The following CACNA1E variants were observed in gnomAD, a reference collection of about 807,000 sequenced individuals.
CACNA1E encodes the protein voltage-dependent R-type calcium channel subunit alpha-1E.
Under a neutral mutation model 259.2 loss-of-function variants are expected in CACNA1E, and 40 were observed. The observed-to-expected ratio is 0.15, with a 90% CI of 0.12 to 0.20. The LOEUF (loss-of-function observed/expected upper bound fraction) is 0.20. Ranked by LOEUF, CACNA1E falls within the 10% of genes least tolerant of loss-of-function variation. The pLI is 1.00. For synonymous variants in CACNA1E, 1,104 were observed against 1,138.5 expected, an observed-to-expected ratio of 0.97 and a Z score of 0.61; for missense variants, 1,874 against 3,040.1, an observed-to-expected ratio of 0.62 and a Z score of 9.02.
chr1:181,335,084 C>T (rs986699538), intron 1 of CACNA1E, among the ~76,000 whole-genome samples: 10 of 152,222 alleles, frequency 6.6e-5, no homozygotes, highest in African/African-American at 2.2e-4. Flanking sequence ...GTATGGCTTG[C>T]CCCTCACCAC....
At chr1:181,414,065 C>T (rs1298379880) in intron 2 of CACNA1E, among the ~76,000 whole-genome samples, 2 of 152,194 alleles carry the variant, frequency 1.3e-5, no homozygotes, top group Non-Finnish European at 2.9e-5. Flanking sequence ...TCTGTGTGGC[C>T]ACTCCTGGCT....
At position 181,679,827 on chromosome 1, in the gene CACNA1E, G is replaced by A. The variant is rs559560046; in HGVS notation, c.1055+28386G>A. On this transcript the variant is annotated intron_variant, in intron 7 of 47. Transcript: ENST00000367573. ...CATGTTCAGAAGGGCATCAAAGTCC[G>A]GGTGAGGCTGATCTTCTAAAGTTAA... 1.4e-4 allele frequency among the ~76,000 whole-genome samples: 22 copies of A among 152,250 alleles called. 1 individual carries two copies. Among genetic ancestry groups the A allele is most frequent in the Admixed American group, 3.9e-4 (6 of 15,298 alleles).
chr1:181,741,762 G>A (rs993291256), intron 25 of CACNA1E, among the ~76,000 whole-genome samples: 2 of 152,176 alleles, frequency 1.3e-5, no homozygotes, highest in African/African-American at 2.4e-5. Context: ...GAAACATGGC[G>A]GTGGTGGCTT....
chr1:181,667,266 C>A (rs1268807354), intron 7 of CACNA1E, among the ~76,000 whole-genome samples: 1 of 152,040 alleles, frequency 6.6e-6, no homozygotes, highest in Non-Finnish European at 1.5e-5. Context: ...AAGGTGAAAA[C>A]CAGCTGAAGA....
chr1:181,329,929 T>G (rs1406547211), intron 1 of CACNA1E, among the ~76,000 whole-genome samples: 3 of 152,152 alleles, frequency 2.0e-5, no homozygotes, highest in Non-Finnish European at 4.4e-5. Context: ...CACTGTTGGT[T>G]GAATGGATAC....
Position 181,801,674 on chromosome 1 carries a change from G to A in CACNA1E, c.*2840G>A, listed in dbSNP as rs1291019116. On this transcript the variant is annotated 3_prime_UTR_variant, in exon 48 of 48. Transcript: ENST00000367573. ...TCAGAGTCTGCCTCCCTTGAAAAGAGGCCCCTGTAGACCCCAACACCTATT... is the reference window on the plus strand; with the variant it reads ...TCAGAGTCTGCCTCCCTTGAAAAGAAGCCCCTGTAGACCCCAACACCTATT... The A allele has an allele frequency of 2.6e-5, 4 of 152,168 alleles. No individual in the cohort carries two copies. Among genetic ancestry groups the A allele is most frequent in the African/African-American group, 4.8e-5 (2 of 41,452 alleles). 9.4% of individuals were successfully genotyped at this position (152,168 alleles called of 1,614,324 possible).
intron 1 of CACNA1E, among the ~76,000 whole-genome samples, chr1:181,407,584 G>T (rs183390905): frequency 6.6e-6 from 1 of 152,330 alleles, no homozygotes; most frequent in East Asian, 1.9e-4. Context: ...AGATGGTTCT[G>T]ATGTACATTA....
At chr1:181,609,058 A>G (rs1353321440) in intron 6 of CACNA1E, among the ~76,000 whole-genome samples, 1 of 152,214 alleles carries the variant, frequency 6.6e-6, no homozygotes, top group Non-Finnish European at 1.5e-5. Flanking sequence ...CTTAGGAAGA[A>G]GAAATGGGGA....
chr1:181,794,984 C>G lies in CACNA1E; in HGVS notation c.6148C>G (p.Arg2050Gly). Residue 2050 changes from arginine (R) to glycine (G), a missense_variant, in exon 46 of 48, where the codon CGT becomes GGT. Arg to Gly is a moderately radical substitution (Grantham distance 125, BLOSUM62 -2). This residue lies in a region of CACNA1E where 542 missense variants were observed against 587.2 expected (regional missense o/e 0.92). Coordinates refer to ENST00000367573, the MANE Select transcript of CACNA1E (RefSeq NM_001205293.3). ...AAGCAGTGAAAATACCTACAAGTCCCGTCGCCGGAGTTACCACTCCTCCTT... is the reference window on the plus strand; with the variant it reads ...AAGCAGTGAAAATACCTACAAGTCCGGTCGCCGGAGTTACCACTCCTCCTT... ...ERSSENTYKSRRRSYHSSLRL... is the reference protein window; with the variant it reads ...ERSSENTYKSGRRSYHSSLRL... The G allele has an allele frequency of 6.2e-7, 1 of 1,614,002 alleles. No homozygotes were observed. Among genetic ancestry groups the G allele is most frequent in the Non-Finnish European group, 8.5e-7 (1 of 1,179,884 alleles).
At position 181,436,176 on chromosome 1, in the gene CACNA1E, C is replaced by T. The variant is rs147476084; in HGVS notation, c.434+22596C>T. On this transcript the variant is annotated intron_variant, in intron 2 of 11. Transcript: ENST00000524607. Reference sequence around the variant, plus strand: ...ATTTAACCACAGTGAGATATCAGTTCACACCTGTTAGAATGGCTATAATAA... The same window carrying T: ...ATTTAACCACAGTGAGATATCAGTTTACACCTGTTAGAATGGCTATAATAA... 3.9e-5 allele frequency among the ~76,000 whole-genome samples: 6 copies of T among 152,308 alleles called. No individual in the cohort carries two copies. The East Asian group carries it at 1.2e-3, about 29-fold the overall frequency.
At chr1:181,416,673 G>A (rs1490010995) in intron 2 of CACNA1E, among the ~76,000 whole-genome samples, 1 of 152,158 alleles carries the variant, frequency 6.6e-6, no homozygotes, top group Admixed American at 6.5e-5. Context: ...TCCCTTCCAC[G>A]CTGCCTTGGA....
chr1:181,770,109 C>A (rs1480904241), intron 35 of CACNA1E, among the ~76,000 whole-genome samples: 1 of 152,072 alleles, frequency 6.6e-6, no homozygotes, highest in African/African-American at 2.4e-5. Context: ...TAGCTGGGGG[C>A]AGAGATTGTT....
rs2102477323 is a variant in CACNA1E at position 181,485,333 on chromosome 1, C to G, written c.266+1323C>G. ...GGGCATCTCCCTACTCCCCCAACCC[C>G]AGTCTCTGGCCTTCCCCTTCTTCTC... On this transcript the variant is annotated intron_variant, in intron 1 of 47. Transcript: ENST00000367573. The surrounding 1 kb of genome is among the most constrained non-coding windows in gnomAD (Gnocchi z 4.2). Among the ~76,000 whole-genome samples the G allele has an allele frequency of 6.6e-6, 1 of 152,336 alleles. No individual in the cohort carries two copies. Among genetic ancestry groups the G allele is most frequent in the Admixed American group, 6.5e-5 (1 of 15,312 alleles).
intron 3 of CACNA1E, among the ~76,000 whole-genome samples, chr1:181,553,746 T>C (rs916863206): frequency 6.6e-6 from 1 of 152,240 alleles, no homozygotes; most frequent in African/African-American, 2.4e-5. Context: ...CTTTTCTGCA[T>C]CTATTGAGAT....
At chr1:181,516,031 T>C (rs1034477677) in intron 3 of CACNA1E, among the ~76,000 whole-genome samples, 2 of 152,154 alleles carry the variant, frequency 1.3e-5, no homozygotes, top group Non-Finnish European at 2.9e-5. Flanking sequence ...TATCTACCTC[T>C]GCCAGGCTGC....
At chr1:181,633,932 G>A (rs750445436) in intron 6 of CACNA1E, among the ~76,000 whole-genome samples, 8 of 152,230 alleles carry the variant, frequency 5.3e-5, no homozygotes, top group Non-Finnish European at 1.0e-4. Context: ...AAAGAGGTAA[G>A]GCCAGGGTTT....
At position 181,390,302 on chromosome 1, in the gene CACNA1E, C is replaced by CTTATTTAT. The variant is rs58239460; in HGVS notation, c.-14-22808_-14-22801dup. ...TTACCCAGGAGAGGAGAGGAGACAC[C>CTTATTTAT]TTATTTATTTATTTATTTATTTATT... On this transcript the variant is annotated intron_variant, in intron 1 of 11. Transcript: ENST00000524607. Among the ~76,000 whole-genome samples the CTTATTTAT allele has an allele frequency of 7.9e-3, 1,094 of 137,636 alleles. 7 individuals are homozygous for CTTATTTAT. Among genetic ancestry groups the CTTATTTAT allele is most frequent in the African/African-American group, 0.027 (986 of 35,868 alleles). The allele number at this position is 137,636 out of a possible 152,430, so 90.3% of individuals were successfully genotyped here.
At chr1:181,515,486 C>T (rs746606739) in intron 3 of CACNA1E, among the ~76,000 whole-genome samples, 13 of 152,178 alleles carry the variant, frequency 8.5e-5, no homozygotes, top group Middle Eastern at 3.4e-3. Flanking sequence ...ATGCTGGGAC[C>T]GAGAAATGTG....
intron 25 of CACNA1E, among the ~76,000 whole-genome samples, chr1:181,740,036 G>A (rs1364980297): frequency 2.0e-5 from 3 of 152,104 alleles, no homozygotes; most frequent in Non-Finnish European, 4.4e-5. Context: ...TCCTAACCCG[G>A]TGTATAGAGT....
Sources: allele counts gnomAD v4.1 joint callset (sites outside exome capture counted in the v4.1 genomes callset), GRCh38; gene constraint gnomAD v4.1.1; regional missense constraint gnomAD v4.1.1; non-coding constraint Gnocchi (gnomAD v3.1); transcripts MANE v1.5; gene names NCBI Gene and HGNC (gene_info 2026-07-23, HGNC 2026-07-21).